Variants in TPRG1 observed in about 807,000 individuals in gnomAD.
The protein encoded by TPRG1 is tumor protein p63-regulated gene 1 protein.
In TPRG1, 29 loss-of-function variants were observed where a neutral mutation model predicts 29.3. The ratio of observed to expected loss-of-function variants is 0.99; its 90% CI spans 0.74 to 1.35. The LOEUF (loss-of-function observed/expected upper bound fraction) is 1.35, where lower values mean the gene tolerates loss of function less well. TPRG1 is among the 40% of genes most tolerant of loss of function. The pLI is 0.00. For synonymous variants in TPRG1, 130 were observed against 116.8 expected (o/e 1.11, Z -0.73); for missense variants, 327 against 335.0 (o/e 0.98, Z 0.19).
chr3:189,002,847 G>A (rs1305247265), intron 2 of TPRG1, among the ~76,000 whole-genome samples: 2 of 152,082 alleles, frequency 1.3e-5, no homozygotes, highest in Admixed American at 1.3e-4. Flanking sequence ...TTTTCTATCT[G>A]CTCAGTATAT....
intron 4 of TPRG1, among the ~76,000 whole-genome samples, chr3:189,269,593 T>C (rs1040767425): frequency 2.0e-5 from 3 of 152,146 alleles, no homozygotes; most frequent in Non-Finnish European, 2.9e-5. Context: ...TTGTTTCTTC[T>C]GATTCATTGC....
chr3:189,219,542 T>TA (rs1164566944), intron 3 of TPRG1: 12 of 1,215,682 alleles, frequency 9.9e-6, no homozygotes, highest in Admixed American at 3.4e-5. Context: ...AAGATTATTT[T>TA]AAAAAAACTA....
chr3:189,025,027 G>T (rs934922403), intron 4 of TPRG1, among the ~76,000 whole-genome samples: 14 of 152,210 alleles, frequency 9.2e-5, no homozygotes, highest in Admixed American at 9.2e-4. Flanking sequence ...GACTGATGCT[G>T]CCTGGTCCCC....
In TPRG1 at chr3:189,001,170, A is replaced by G. The variant is rs1218484583; in HGVS notation, c.-878+259A>G. Reference sequence around the variant, plus strand: ...CAACATGAAACATCAAATCTCCCCAACCAGAGACATGTATTCATTCACTCT... The same window carrying G: ...CAACATGAAACATCAAATCTCCCCAGCCAGAGACATGTATTCATTCACTCT... On this transcript the variant is annotated intron_variant, in intron 2 of 10. Coordinates refer to the TPRG1 transcript ENST00000433971. Among the ~76,000 whole-genome samples, 8 of 152,298 alleles carry G rather than the reference A, an allele frequency of 5.3e-5. No individual in the cohort carries two copies. The East Asian group carries it at 1.2e-3, about 22-fold the overall frequency.
At chr3:189,135,323 C>T (rs897028175) in intron 3 of TPRG1, among the ~76,000 whole-genome samples, 6 of 152,218 alleles carry the variant, frequency 3.9e-5, no homozygotes, top group Admixed American at 1.3e-4. Context: ...GGATCCTGGA[C>T]GTGTACTGTC....
chr3:189,130,819 A>G (rs929037509), intron 2 of TPRG1, among the ~76,000 whole-genome samples: 3 of 152,236 alleles, frequency 2.0e-5, no homozygotes, highest in African/African-American at 7.2e-5. Context: ...GCTTTCATTT[A>G]CATTCTTCCT....
intron 4 of TPRG1, among the ~76,000 whole-genome samples, chr3:189,036,852 G>T (rs1045717698): frequency 1.3e-5 from 2 of 151,594 alleles, no homozygotes; most frequent in Non-Finnish European, 3.0e-5. Context: ...TCTATAAACC[G>T]ATTAAATGAA....
At chr3:189,312,109 CTTT>C (rs1722637230) in intron 5 of TPRG1, among the ~76,000 whole-genome samples, 1 of 76,428 alleles carries the variant, frequency 1.3e-5, no homozygotes, top group African/African-American at 5.8e-5. Context: ...TTCTTTGTTT[CTTT>C]CTTTGTTTCT....
At chr3:189,041,637 T>C (rs115543744) in intron 4 of TPRG1, among the ~76,000 whole-genome samples, 2,859 of 152,216 alleles carry the variant, frequency 0.019, 90 homozygotes, top group African/African-American at 0.065. Context: ...GTCTTAGCCC[T>C]TTACTCAGAT....
At chr3:189,247,863 A>G (rs1489267800) in intron 4 of TPRG1, among the ~76,000 whole-genome samples, 1 of 151,946 alleles carries the variant, frequency 6.6e-6, no homozygotes, top group Non-Finnish European at 1.5e-5. Context: ...TGGAATTAGT[A>G]TATACTTATT....
At chr3:189,072,153 G>C (rs554299736) in intron 4 of TPRG1, among the ~76,000 whole-genome samples, 1 of 152,218 alleles carries the variant, frequency 6.6e-6, no homozygotes, top group East Asian at 1.9e-4. Flanking sequence ...ATAATAAATG[G>C]GCCCATCATT....
intron 1 of TPRG1, among the ~76,000 whole-genome samples, chr3:189,195,363 G>A (rs73889109): frequency 0.036 from 5,441 of 152,214 alleles, 329 homozygotes; most frequent in African/African-American, 0.12. Context: ...AAAAGGCAGC[G>A]GGAGTGGTAG....
At chr3:189,070,286 G>A (rs568180394) in intron 4 of TPRG1, among the ~76,000 whole-genome samples, 53 of 152,232 alleles carry the variant, frequency 3.5e-4, no homozygotes, top group African/African-American at 1.1e-3. Context: ...GGAGAGGGGT[G>A]AGTATCATTA....
intron 1 of TPRG1, among the ~76,000 whole-genome samples, chr3:189,119,376 G>T (rs7634885): frequency 0.018 from 2,814 of 152,286 alleles, 100 homozygotes; most frequent in African/African-American, 0.061. Flanking sequence ...TGTCTCAGAA[G>T]AGACTTTGGA....
At chr3:189,052,408 C>G (rs1224574576) in intron 4 of TPRG1, among the ~76,000 whole-genome samples, 1 of 152,048 alleles carries the variant, frequency 6.6e-6, no homozygotes, top group Non-Finnish European at 1.5e-5. Context: ...CTTACTCCTG[C>G]GAGAATGGCC....
intron 1 of TPRG1, among the ~76,000 whole-genome samples, chr3:189,199,850 A>G (rs1350885975): frequency 6.6e-6 from 1 of 152,174 alleles, no homozygotes; most frequent in African/African-American, 2.4e-5. Flanking sequence ...ACTGCACTGC[A>G]GCCGGGGCAA....
chr3:189,064,345 A>C (rs1179794477), intron 4 of TPRG1, among the ~76,000 whole-genome samples: 1 of 152,190 alleles, frequency 6.6e-6, no homozygotes, highest in Non-Finnish European at 1.5e-5. Flanking sequence ...GAACTGTTTA[A>C]GGCCTCACCA....
intron 4 of TPRG1, among the ~76,000 whole-genome samples, chr3:189,273,960 A>G (rs955868989): frequency 2.0e-5 from 3 of 152,160 alleles, no homozygotes; most frequent in African/African-American, 7.2e-5. Context: ...TGACTAAGGG[A>G]GTGTCTGCCC....
intron 1 of TPRG1, among the ~76,000 whole-genome samples, chr3:189,199,712 A>T (rs569071028): frequency 6.6e-6 from 1 of 152,164 alleles, no homozygotes; most frequent in Non-Finnish European, 1.5e-5. Context: ...TTGGTGGCGG[A>T]CACCTGTAAT....
Sources: allele counts gnomAD v4.1 joint callset (sites outside exome capture counted in the v4.1 genomes callset), GRCh38; gene constraint gnomAD v4.1.1; transcripts MANE v1.5; gene names NCBI Gene and HGNC (gene_info 2026-07-23, HGNC 2026-07-21).